Variants in SLC6A12 observed in about 807,000 individuals in gnomAD.
SLC6A12 encodes the protein sodium- and chloride-dependent betaine transporter.
Under a neutral mutation model 73.3 loss-of-function variants are expected in SLC6A12, and 50 were observed. That is an observed-to-expected ratio of 0.68 (90% CI 0.54 to 0.86). The LOEUF (loss-of-function observed/expected upper bound fraction) is 0.86, where lower values mean the gene tolerates loss of function less well. Among genes scored for constraint, SLC6A12 ranks in the 40% least tolerant of loss-of-function variants. SLC6A12 has a pLI of 0.00. For missense variants in SLC6A12, 648 were observed against 772.8 expected (o/e 0.84, Z 1.92); for synonymous variants, 304 against 309.2 (o/e 0.98, Z 0.18).
downstream of SLC6A12, among the ~76,000 whole-genome samples, chr12:187,766 G>A (rs537180576): frequency 2.6e-5 from 4 of 152,134 alleles, no homozygotes; most frequent in South Asian, 4.2e-4. Flanking sequence ...ACAGAGAGCC[G>A]ATTGGTCCAT....
chr12:198,141 T>C lies in SLC6A12; in HGVS notation c.847-138A>G, dbSNP rs1940020710. 1 of 655,934 alleles carries C rather than the reference T, an allele frequency of 1.5e-6. No individual in the cohort carries two copies. Among genetic ancestry groups the C allele is most frequent in the Non-Finnish European group, 2.7e-6 (1 of 371,662 alleles). 40.6% of individuals were successfully genotyped at this position (655,934 alleles called of 1,614,324 possible). ...GAGCGCTTCCCTCCTGCATCCCAAC[T>C]CTCCGTGAGTGCGCCCTCCGGTCTC... is the stretch of plus-strand genomic sequence containing the variant. On this transcript the variant is annotated intron_variant, in intron 8 of 15. Coordinates refer to ENST00000684302, the MANE Select transcript of SLC6A12 (RefSeq NM_001122848.3). The surrounding 1 kb of genome is among the most constrained non-coding windows in gnomAD (Gnocchi z 4.0).
rs1314942995 is a variant in SLC6A12, at chr12:198,725, A to C, written c.846+72T>G. 1.4e-6 allele frequency: 2 copies of C among 1,427,834 alleles called. No homozygotes were observed. The highest frequency in any genetic ancestry group is 2.8e-5 in the African/African-American group (2 of 70,760). 88.4% of individuals were successfully genotyped at this position (1,427,834 alleles called of 1,614,324 possible). The stretch of plus-strand genomic sequence containing the variant: ...TTTTAAACCAAGGAAAAAGCTATAC[A>C]AGACTTTCAAAACTACAGACCTGGC... On this transcript the variant is annotated intron_variant, in intron 8 of 15. Coordinates refer to ENST00000684302, the MANE Select transcript of SLC6A12 (RefSeq NM_001122848.3). This position sits in a 1 kb window ranked among gnomAD's most constrained non-coding sequence, Gnocchi z 4.0.
rs1338569357 is a variant in SLC6A12 at position 190,337 on chromosome 12, C to T, written c.*731G>A. 6.6e-6 allele frequency: 1 copy of T among 152,298 alleles called. No individual in the cohort carries two copies. Among genetic ancestry groups the T allele is most frequent in the Non-Finnish European group, 1.5e-5 (1 of 68,104 alleles). 9.4% of individuals were successfully genotyped at this position (152,298 alleles called of 1,614,324 possible). A position where few individuals can be genotyped will look rare whatever the true frequency, so the allele number is the denominator to read the frequency against. The stretch of plus-strand genomic sequence containing the variant: ...GAAGGATTGTGAGGTGGGAAAGAAT[C>T]TGTGATCAGTTAGCAATATCGGCCT... On this transcript the variant is annotated 3_prime_UTR_variant, in exon 16 of 16. Coordinates refer to ENST00000684302, the MANE Select transcript of SLC6A12 (RefSeq NM_001122848.3).
At chr12:186,991 G>A (rs1021549790), downstream of SLC6A12, among the ~76,000 whole-genome samples, 2 of 152,152 alleles carry the variant, frequency 1.3e-5, no homozygotes, top group African/African-American at 4.8e-5. Flanking sequence ...CCTGCCCAAA[G>A]TTCTCACTTT....
chr12:200,318 C>T (rs1346812760), intron 7 of SLC6A12, among the ~76,000 whole-genome samples: 3 of 151,782 alleles, frequency 2.0e-5, no homozygotes, highest in South Asian at 2.1e-4. Context: ...CCGTGTTAGC[C>T]AGGATGGTCT....
At chr12:203,059 C>CTTTTTTTTTTTTTTTTT (rs10582500) in intron 4 of SLC6A12, among the ~76,000 whole-genome samples, 179 bp from the exon 5 acceptor site, 29 of 68,332 alleles carry the variant, frequency 4.2e-4, no homozygotes, top group Non-Finnish European at 5.6e-4. Flanking sequence ...TTTTTCTTTT[C>CTTTTTTTTTTTTTTTTT]TTTTTTTTTT....
At chr12:205,727 A>T (rs1940599202) in intron 3 of SLC6A12, among the ~76,000 whole-genome samples, 1 of 152,266 alleles carries the variant, frequency 6.6e-6, no homozygotes, top group African/African-American at 2.4e-5. Context: ...TTAAAAGCAC[A>T]CACATGTATT....
At chr12:200,106 C>CTTTTTTTTT (rs33929668) in intron 7 of SLC6A12, among the ~76,000 whole-genome samples, 1 of 104,578 alleles carries the variant, frequency 9.6e-6, no homozygotes, top group Non-Finnish European at 1.8e-5. Context: ...CCTGAATATT[C>CTTTTTTTTT]TTTTTTTTTT....
Position 200,684 on chromosome 12 carries a change from G to C in SLC6A12, c.678C>G (p.Phe226Leu). 1 of 1,614,184 alleles carries C rather than the reference G, an allele frequency of 6.2e-7. No individual in the cohort carries two copies. The highest frequency in any genetic ancestry group is 8.5e-7 in the Non-Finnish European group (1 of 1,180,030). ...CLLLAWVICY[F>L]CIWKGVKSTG... ...TGGACTTGACCCCCTTCCAGATGCA[G>C]AAATAGCAGATGACCCAGGCGAGCA... Residue 226 changes from phenylalanine to leucine, a missense_variant, in exon 7 of 16, where the codon TTC (phenylalanine) becomes TTG (leucine). Coordinates refer to ENST00000684302, the MANE Select transcript of SLC6A12 (RefSeq NM_001122848.3).
chr12:199,024 C>A, intron 7 of SLC6A12, 93 bp from the exon 8 acceptor site: 1 of 1,276,926 alleles, frequency 7.8e-7, no homozygotes, highest in South Asian at 1.3e-5. Flanking sequence ...ACACGGAGCT[C>A]AGTCCCAACC....
chr12:194,899 G>A (rs1475595380), intron 13 of SLC6A12, among the ~76,000 whole-genome samples: 2 of 152,186 alleles, frequency 1.3e-5, no homozygotes, highest in African/African-American at 4.8e-5. Context: ...GGCAATAAAC[G>A]TCCCTTCTGA....
chr12:191,143 G>A lies in SLC6A12; in HGVS notation c.1770C>T (p.Gly590=), dbSNP rs1169463823. ...PQPKQHPCLD[G]SAGRNFGPSP... Reference sequence around the variant, plus strand: ...AGGGCCCAAAGTTCCGGCCAGCACTGCCATCCAAGCAGGGATGTTGCTTGG... The same window carrying A: ...AGGGCCCAAAGTTCCGGCCAGCACTACCATCCAAGCAGGGATGTTGCTTGG... Residue 590 remains glycine (G), a synonymous_variant, in exon 16 of 16, where the codon GGC becomes GGT. Coordinates refer to ENST00000684302, the MANE Select transcript of SLC6A12 (RefSeq NM_001122848.3). 5 of 1,338,812 alleles carry A rather than the reference G, an allele frequency of 3.7e-6. No homozygotes were observed. The East Asian group carries it at 1.1e-4, about 30-fold the overall frequency. 82.9% of individuals were successfully genotyped at this position (1,338,812 alleles called of 1,614,324 possible). A position where few individuals can be genotyped will look rare whatever the true frequency, so the allele number is the denominator to read the frequency against.
In SLC6A12 at chr12:198,638, T is replaced by A. The variant is rs1408889962; in HGVS notation, c.846+159A>T. 4.8e-5 allele frequency: 32 copies of A among 668,274 alleles called. No homozygotes were observed. The highest frequency in any genetic ancestry group is 7.3e-5 in the Non-Finnish European group (30 of 408,702). The allele number at this position is 668,274 out of a possible 1,614,324, so 41.4% of individuals were successfully genotyped here. A position where few individuals can be genotyped will look rare whatever the true frequency, so the allele number is the denominator to read the frequency against. On this transcript the variant is annotated intron_variant, in intron 8 of 15. Coordinates refer to ENST00000684302, the MANE Select transcript of SLC6A12 (RefSeq NM_001122848.3). This position sits in a 1 kb window ranked among gnomAD's most constrained non-coding sequence, Gnocchi z 4.0. ...GTGGTGGAATTACAAGAGATTTTTT[T>A]AGTTTCTTTTTTATAGCTTTCTTCC...
At chr12:205,837 A>G (rs1159917670) in intron 3 of SLC6A12, among the ~76,000 whole-genome samples, 1 of 152,228 alleles carries the variant, frequency 6.6e-6, no homozygotes, top group East Asian at 1.9e-4. Context: ...CAGTAAATAC[A>G]TATCTACCTC....
At position 204,711 on chromosome 12, in the gene SLC6A12, G is replaced by A. The variant is rs1396156513; in HGVS notation, c.215-13C>T. The A allele has an allele frequency of 6.2e-7, 1 of 1,613,740 alleles. No individual in the cohort carries two copies. The highest frequency in any genetic ancestry group is 8.5e-7 in the Non-Finnish European group (1 of 1,179,952). On this transcript the variant is annotated splice_polypyrimidine_tract_variant and intron_variant, in intron 3 of 15. Coordinates refer to ENST00000684302, the MANE Select transcript of SLC6A12 (RefSeq NM_001122848.3). ...ATGAAGAAGGCTCCTGCAGAAGAGA[G>A]AGAGGCAGGGCTGAGCCACACCCGG...
At chr12:197,190 C>T (rs1392902305) in intron 10 of SLC6A12, among the ~76,000 whole-genome samples, 187 bp downstream of exon 10, 380 of 39,374 alleles carry the variant, frequency 9.7e-3, no homozygotes, top group East Asian at 0.027. Context: ...TCCATCCATC[C>T]ATCCATTCAT....
At chr12:195,463 G>A (rs1318343951) in intron 12 of SLC6A12, 136 bp from the exon 13 acceptor site, 4 of 648,648 alleles carry the variant, frequency 6.2e-6, no homozygotes, top group Non-Finnish European at 1.1e-5. Flanking sequence ...CATCTCAAAG[G>A]AGTTTGCCCT....
At chr12:210,527 G>A (rs375665141) in intron 2 of SLC6A12, 8 of 360,264 alleles carry the variant, frequency 2.2e-5, no homozygotes, top group Non-Finnish European at 3.1e-5. Context: ...TAAGGTGATC[G>A]ATCAGCTCAG....
chr12:197,122 C>CATCT lies in SLC6A12; in HGVS notation c.1076-241_1076-240insAGAT, dbSNP rs1349003603. Among the ~76,000 whole-genome samples the CATCT allele has an allele frequency of 8.5e-3, 414 of 48,926 alleles. 6 individuals are homozygous for CATCT. The highest frequency in any genetic ancestry group is 0.012 in the South Asian group (16 of 1,296). The allele number at this position is 48,926 out of a possible 152,430, so 32.1% of individuals were successfully genotyped here. Reference sequence around the variant, plus strand: ...CCATCCATCCATCCATCCATCCATCCATCCATCCATCCATCCATCCATCCA... The same window carrying CATCT: ...CCATCCATCCATCCATCCATCCATCCATCTATCCATCCATCCATCCATCCATCCA... On this transcript the variant is annotated intron_variant, in intron 10 of 15. Transcript: ENST00000684302.
Sources: allele counts gnomAD v4.1 joint callset (sites outside exome capture counted in the v4.1 genomes callset), GRCh38; gene constraint gnomAD v4.1.1; non-coding constraint Gnocchi (gnomAD v3.1); transcripts MANE v1.5; gene names NCBI Gene and HGNC (gene_info 2026-07-23, HGNC 2026-07-21).